SLC3A1: variants seen among roughly 807,000 people sequenced by gnomAD.
SLC3A1 encodes the protein solute carrier family 3 member 1.
In SLC3A1, 78 loss-of-function variants were observed where a neutral mutation model predicts 60.3. That is an observed-to-expected ratio of 1.29 (90% CI 1.08 to 1.56). The LOEUF is 1.56. Among genes scored for constraint, SLC3A1 ranks in the 40% most tolerant of loss-of-function variants. The pLI, the probability that SLC3A1 is intolerant of heterozygous loss-of-function variation, is 0.00. For synonymous variants in SLC3A1, 392 were observed against 307.9 expected (o/e 1.27, Z -2.86); for missense variants, 1,172 against 858.9 (o/e 1.36, Z -4.56).
In SLC3A1 at chr2:44,321,368, G is replaced by A. The variant is rs759556547; in HGVS notation, c.*729G>A. On this transcript the variant is annotated 3_prime_UTR_variant, in exon 10 of 10. Coordinates refer to ENST00000260649, the MANE Select transcript of SLC3A1 (RefSeq NM_000341.4). The stretch of plus-strand genomic sequence containing the variant: ...TGAATGCAGTGTTTCAGAATTTCAG[G>A]TATTTCTTAAGATCCTCGAAAACAC... 3 of 1,605,974 alleles carry A rather than the reference G, an allele frequency of 1.9e-6. No homozygotes were observed. In the South Asian group the frequency reaches 3.3e-5, roughly 18 times the overall value.
At chr2:44,285,655 C>A (rs1480144131) in intron 3 of SLC3A1, 6 of 482,758 alleles carry the variant, frequency 1.2e-5, no homozygotes, top group Non-Finnish European at 2.1e-5. Flanking sequence ...CGGAATGTTT[C>A]TTTCTTCCAA....
intron 7 of SLC3A1, among the ~76,000 whole-genome samples, chr2:44,305,560 T>C (rs1016544889): frequency 1.3e-4 from 19 of 151,566 alleles, no homozygotes; most frequent in African/African-American, 2.4e-5. Flanking sequence ...CCTGAGTAGC[T>C]GGGATTACAG....
At position 44,275,883 on chromosome 2, in the gene SLC3A1, C is replaced by G. The variant is rs1311306705; in HGVS notation, c.348C>G (p.Asp116Glu). ...AIIALSPKCL[D>E]WWQEGPMYQI... Reference sequence around the variant, plus strand: ...TTGCCCTCTCTCCAAAGTGCCTAGACTGGTGGCAGGAGGGGCCCATGTACC... The same window carrying G: ...TTGCCCTCTCTCCAAAGTGCCTAGAGTGGTGGCAGGAGGGGCCCATGTACC... The change falls in exon 1 of 10, where the codon GAC becomes GAG. Residue 116 changes from aspartate to glutamate, a missense_variant. By Grantham distance (45) the Asp-to-Glu change is conservative. Transcript: ENST00000260649. 6.2e-7 allele frequency: 1 copy of G among 1,614,096 alleles called. No homozygotes were observed. The highest frequency in any genetic ancestry group is 8.5e-7 in the Non-Finnish European group (1 of 1,180,044).
In SLC3A1 at chr2:44,316,433, G is replaced by C. The variant is rs1038459895; in HGVS notation, c.1617+2482G>C. ...TGCTGAAAAATTGATCCAGGGGCTT[G>C]TCCAGAACGTACTGAAAAAGACAAA... On this transcript the variant is annotated intron_variant, in intron 9 of 9. Coordinates refer to ENST00000260649, the MANE Select transcript of SLC3A1 (RefSeq NM_000341.4). The C allele has an allele frequency of 2.6e-5, 4 of 152,040 alleles. 1 individual carries two copies. Among genetic ancestry groups the C allele is most frequent in the African/African-American group, 9.7e-5 (4 of 41,316 alleles). The allele number at this position is 152,040 out of a possible 1,614,324, so 9.4% of individuals were successfully genotyped here.
intron 7 of SLC3A1, among the ~76,000 whole-genome samples, chr2:44,305,922 A>G (rs1175035251): frequency 6.6e-6 from 1 of 152,134 alleles, no homozygotes; most frequent in Non-Finnish European, 1.5e-5. Flanking sequence ...TGTATACTAT[A>G]GCACCCGTTC....
intron 4 of SLC3A1, among the ~76,000 whole-genome samples, chr2:44,294,815 T>C (rs1671814391): frequency 6.6e-6 from 1 of 152,220 alleles, no homozygotes; most frequent in Admixed American, 6.5e-5. Context: ...GTTTCCTCTG[T>C]ACTCTGAAAC....
intron 3 of SLC3A1, among the ~76,000 whole-genome samples, chr2:44,283,264 C>A (rs1281598542): frequency 6.6e-6 from 1 of 152,168 alleles, no homozygotes; most frequent in African/African-American, 2.4e-5. Context: ...CTTCCGTCTC[C>A]CAGGTTCAGT....
Position 44,314,017 on chromosome 2 carries a change from A to C in SLC3A1, c.1617+66A>C, listed in dbSNP as rs770194152. On this transcript the variant is annotated intron_variant, in intron 9 of 9. Coordinates refer to ENST00000260649, the MANE Select transcript of SLC3A1 (RefSeq NM_000341.4). ...AGAAATGGGTTTCTACTGAAAGTACACACTCACCCTGAATGTGTCTAAACC... is the reference window on the plus strand; with the variant it reads ...AGAAATGGGTTTCTACTGAAAGTACCCACTCACCCTGAATGTGTCTAAACC... 11 of 1,608,192 alleles carry C rather than the reference A, an allele frequency of 6.8e-6. No homozygotes were observed. The East Asian group carries it at 2.5e-4, about 36-fold the overall frequency.
Position 44,286,130 on chromosome 2 carries a change from C to A in SLC3A1, c.864C>A (p.Arg288=), listed in dbSNP as rs751241989. ...FMKEQPDLNF[R]NPDVQEEIKE... ...AAGAGCAACCTGATTTAAATTTCCG[C>A]AATCCTGATGTTCAAGAAGAAATAA... The change falls in exon 4 of 10, where the codon CGC becomes CGA. Residue 288 remains arginine (R), a synonymous_variant. Transcript: ENST00000260649. 1 of 1,613,964 alleles carries A rather than the reference C, an allele frequency of 6.2e-7. No individual in the cohort carries two copies. Among genetic ancestry groups the A allele is most frequent in the Non-Finnish European group, 8.5e-7 (1 of 1,179,884 alleles).
intron 4 of SLC3A1, among the ~76,000 whole-genome samples, chr2:44,288,177 C>A (rs1572795369): frequency 6.6e-6 from 1 of 151,996 alleles, no homozygotes; most frequent in Non-Finnish European, 1.5e-5. Flanking sequence ...CAGGCATGTA[C>A]CACCATGCCC....
Position 44,281,442 on chromosome 2 carries a change from G to T in SLC3A1, c.666G>T (p.Trp222Cys). ...ACCACACGAGTGATAAACATATTTG[G>T]TTTCAATTGAGTCGGACACGGACAG... ...IPNHTSDKHI[W>C]FQLSRTRTGK... The change falls in exon 3 of 10, where the codon TGG (tryptophan) becomes TGT (cysteine). Residue 222 changes from tryptophan (W) to cysteine (C), a missense_variant. Transcript: ENST00000260649. 1.2e-6 allele frequency: 2 copies of T among 1,613,572 alleles called. No homozygotes were observed. Among genetic ancestry groups the T allele is most frequent in the Non-Finnish European group, 1.7e-6 (2 of 1,179,550 alleles).
chr2:44,318,135 T>A (rs1197621295), intron 9 of SLC3A1: 1 of 445,180 alleles, frequency 2.2e-6, no homozygotes, highest in Admixed American at 2.4e-5. Flanking sequence ...CCGTCACCCA[T>A]GCTCGAGTGC....
chr2:44,311,763 G>C (rs528521628), intron 7 of SLC3A1, among the ~76,000 whole-genome samples: 1 of 150,928 alleles, frequency 6.6e-6, no homozygotes, highest in East Asian at 1.9e-4. Flanking sequence ...TTGAATTGTA[G>C]CAATTAAGTC....
chr2:44,276,875 T>A (rs1671355529), intron 1 of SLC3A1, among the ~76,000 whole-genome samples: 1 of 152,124 alleles, frequency 6.6e-6, no homozygotes, highest in African/African-American at 2.4e-5. Flanking sequence ...GTTGGTATGG[T>A]CACTCTACTT....
chr2:44,309,567 C>T (rs115497471), intron 7 of SLC3A1, among the ~76,000 whole-genome samples: 1,693 of 152,206 alleles, frequency 0.011, 27 homozygotes, highest in African/African-American at 0.039. Context: ...TGGATCTATA[C>T]CATGGAGTGG....
At position 44,321,356 on chromosome 2, in the gene SLC3A1, T is replaced by A; in HGVS notation, c.*717T>A. ...CCAATTCCCAGTTGAATGCAGTGTT[T>A]CAGAATTTCAGGTATTTCTTAAGAT... On this transcript the variant is annotated 3_prime_UTR_variant, in exon 10 of 10. Coordinates refer to ENST00000260649, the MANE Select transcript of SLC3A1 (RefSeq NM_000341.4). 6.2e-7 allele frequency: 1 copy of A among 1,600,102 alleles called. No individual in the cohort carries two copies. Among genetic ancestry groups the A allele is most frequent in the Non-Finnish European group, 8.6e-7 (1 of 1,167,794 alleles).
intron 3 of SLC3A1, among the ~76,000 whole-genome samples, chr2:44,282,498 C>G (rs1247085656): frequency 2.6e-5 from 4 of 152,120 alleles, no homozygotes; most frequent in African/African-American, 7.2e-5. Flanking sequence ...CCTACTCACT[C>G]CTTTTACAAC....
At position 44,321,323 on chromosome 2, in the gene SLC3A1, G is replaced by A. The variant is rs747238409; in HGVS notation, c.*684G>A. The A allele has an allele frequency of 9.3e-6, 14 of 1,498,340 alleles. No individual in the cohort carries two copies. Among genetic ancestry groups the A allele is most frequent in the Non-Finnish European group, 1.3e-5 (14 of 1,079,558 alleles). 92.8% of individuals were successfully genotyped at this position (1,498,340 alleles called of 1,614,324 possible). ...GGAAGTAAGACTATGAAATATTTCA[G>A]TGTGTTTCCAATTCCCAGTTGAATG... On this transcript the variant is annotated 3_prime_UTR_variant, in exon 10 of 10. Coordinates refer to ENST00000260649, the MANE Select transcript of SLC3A1 (RefSeq NM_000341.4).
rs769256881 is a variant in SLC3A1 at position 44,275,523 on chromosome 2, A to G, written c.-13A>G. The G allele has an allele frequency of 1.8e-5, 29 of 1,612,658 alleles. No individual in the cohort carries two copies. The highest frequency in any genetic ancestry group is 5.5e-5 in the South Asian group (5 of 90,712). ...CTGCAGGAAGGCACTCCGAAGACAT[A>G]AGTCGGTGAGACATGGCTGAAGATA... On this transcript the variant is annotated 5_prime_UTR_variant, in exon 1 of 10. In the 5' UTR this introduces an upstream ATG that the reference lacks. Coordinates refer to ENST00000260649, the MANE Select transcript of SLC3A1 (RefSeq NM_000341.4).
Sources: allele counts gnomAD v4.1 joint callset (sites outside exome capture counted in the v4.1 genomes callset), GRCh38; gene constraint gnomAD v4.1.1; transcripts MANE v1.5; gene names NCBI Gene and HGNC (gene_info 2026-07-23, HGNC 2026-07-21).